ZFHX3: variants seen among roughly 807,000 people sequenced by gnomAD.
ZFHX3 encodes the protein zinc finger homeobox protein 3.
In ZFHX3, 42 loss-of-function variants were observed where a neutral mutation model predicts 279.1. The observed-to-expected ratio is 0.15, with a 90% CI of 0.12 to 0.19. The LOEUF (loss-of-function observed/expected upper bound fraction) is 0.19, where lower values mean the gene tolerates loss of function less well. Among genes scored for constraint, ZFHX3 ranks in the 10% least tolerant of loss-of-function variants. ZFHX3 has a pLI of 1.00. For synonymous variants in ZFHX3, 2,293 were observed against 1,957.8 expected (o/e 1.17, Z -4.52); for missense variants, 4,981 against 4,754.0 (o/e 1.05, Z -1.40).
Position 72,949,692 on chromosome 16 carries a change from GGAA to G in ZFHX3, c.3216+774_3216+776del, listed in dbSNP as rs1320542494. 2.6e-5 allele frequency among the ~76,000 whole-genome samples: 4 copies of G among 151,294 alleles called. No individual in the cohort carries two copies. In the East Asian group the frequency reaches 5.8e-4, roughly 22 times the overall value. ...AGAGGGGGAGGATGGGAGAAGCCCA[GGAA>G]GAAGAAGAAAAAGTATAAGGAAGAG... On this transcript the variant is annotated intron_variant, in intron 3 of 9. Coordinates refer to ENST00000268489, the MANE Select transcript of ZFHX3 (RefSeq NM_006885.4).
intron 1 of ZFHX3, among the ~76,000 whole-genome samples, chr16:73,832,021 C>T (rs1435254277): frequency 6.6e-6 from 1 of 152,228 alleles, no homozygotes; most frequent in African/African-American, 2.4e-5. Flanking sequence ...TTGCCTCAGC[C>T]TCCCGAGTAG....
chr16:73,137,422 T>G (rs1478088600), intron 6 of ZFHX3: 1 of 152,094 alleles, frequency 6.6e-6, no homozygotes, highest in East Asian at 1.9e-4. Context: ...AGAGTTCTCA[T>G]GCCAGCATTC....
rs148174653 is a variant in ZFHX3 at position 72,861,981 on chromosome 16, C to T, written c.3448+27750G>A. On this transcript the variant is annotated intron_variant, in intron 4 of 9. Coordinates refer to ENST00000268489, the MANE Select transcript of ZFHX3 (RefSeq NM_006885.4). Reference sequence around the variant, plus strand: ...AATGAGTCAAGATCATGCCACTGCACTCTAGCCTGGGCAACAGAGCAGGAC... The same window carrying T: ...AATGAGTCAAGATCATGCCACTGCATTCTAGCCTGGGCAACAGAGCAGGAC... Among the ~76,000 whole-genome samples, 21 of 152,278 alleles carry T rather than the reference C, an allele frequency of 1.4e-4. 1 individual carries two copies. Among genetic ancestry groups the T allele is most frequent in the African/African-American group, 5.1e-4 (21 of 41,566 alleles).
chr16:73,481,390 C>A (rs759901679), intron 2 of ZFHX3, among the ~76,000 whole-genome samples: 1 of 151,288 alleles, frequency 6.6e-6, no homozygotes, highest in Non-Finnish European at 1.5e-5. Flanking sequence ...TGACACATTG[C>A]TTTCCTGTCC....
intron 1 of ZFHX3, among the ~76,000 whole-genome samples, chr16:73,742,994 G>A (rs1458104681): frequency 6.6e-6 from 1 of 152,186 alleles, no homozygotes; most frequent in African/African-American, 2.4e-5. Flanking sequence ...GGAAATGAGA[G>A]TCCTTTATAA....
intron 3 of ZFHX3, among the ~76,000 whole-genome samples, chr16:73,349,939 C>A (rs921292398): frequency 6.7e-6 from 1 of 149,096 alleles, no homozygotes; most frequent in Non-Finnish European, 1.5e-5. Context: ...TCTCCTTTTC[C>A]CCCCTTTCCA....
chr16:73,666,985 C>A (rs2052849034), intron 2 of ZFHX3, among the ~76,000 whole-genome samples: 1 of 151,796 alleles, frequency 6.6e-6, no homozygotes. Flanking sequence ...TACAGATATA[C>A]AACTTATTTA....
intron 2 of ZFHX3, among the ~76,000 whole-genome samples, chr16:73,467,947 A>AT (rs1321587240): frequency 6.6e-6 from 1 of 152,208 alleles, no homozygotes; most frequent in African/African-American, 2.4e-5. Context: ...GGAATCTGTA[A>AT]TTTATCAGAG....
intron 3 of ZFHX3, among the ~76,000 whole-genome samples, chr16:72,919,543 T>A (rs1431466965): frequency 1.3e-5 from 2 of 151,136 alleles, no homozygotes; most frequent in East Asian, 3.8e-4. Context: ...GTATCTTTAT[T>A]TTTAAGAAAG....
chr16:73,102,596 T>G (rs1966246193), intron 7 of ZFHX3, among the ~76,000 whole-genome samples: 1 of 152,222 alleles, frequency 6.6e-6, no homozygotes, highest in Non-Finnish European at 1.5e-5. Context: ...TAAGCATAGC[T>G]AGCCTTTCTG....
rs1401098546 is a variant in ZFHX3 at position 72,811,687 on chromosome 16, G to T, written c.3754C>A (p.Leu1252Ile). ...AMTQHSVQPM[L>I]RCPLCQDMLN... ...ATGTCCTGGCACAGGGGGCAGCGAA[G>T]CATGGGTTGCACCGAGTGCTGCGTC... is the stretch of plus-strand genomic sequence containing the variant. The change falls in exon 7 of 10, where the codon CTT becomes ATT. Residue 1252 changes from leucine to isoleucine, a missense_variant. Leu to Ile is a conservative substitution (Grantham distance 5). Transcript: ENST00000268489. 1 of 1,614,128 alleles carries T rather than the reference G, an allele frequency of 6.2e-7. No individual in the cohort carries two copies. Among genetic ancestry groups the T allele is most frequent in the Admixed American group, 1.7e-5 (1 of 60,020 alleles).
intron 5 of ZFHX3, among the ~76,000 whole-genome samples, chr16:73,146,984 T>C (rs1444943383): frequency 1.3e-5 from 2 of 152,176 alleles, no homozygotes; most frequent in African/African-American, 2.4e-5. Context: ...AAGCCTCTTA[T>C]TAATAGAAGT....
intron 1 of ZFHX3, among the ~76,000 whole-genome samples, chr16:73,870,149 T>C (rs1459505340): frequency 6.6e-6 from 1 of 152,192 alleles, no homozygotes; most frequent in Non-Finnish European, 1.5e-5. Context: ...ATGTCATCTT[T>C]AGGGATAAAG....
intron 7 of ZFHX3, among the ~76,000 whole-genome samples, chr16:73,094,222 C>T (rs931253514): frequency 6.6e-6 from 1 of 152,188 alleles, no homozygotes; most frequent in Non-Finnish European, 1.5e-5. Context: ...AGGTATTTTT[C>T]TCCCTGGAAG....
intron 1 of ZFHX3, among the ~76,000 whole-genome samples, chr16:73,705,090 C>T (rs2053290135): frequency 6.6e-6 from 1 of 152,070 alleles, no homozygotes; most frequent in Non-Finnish European, 1.5e-5. Context: ...AAAGACGTAA[C>T]CTCAAGACAA....
chr16:73,650,371 A>T (rs181599569), intron 2 of ZFHX3, among the ~76,000 whole-genome samples: 4 of 152,054 alleles, frequency 2.6e-5, no homozygotes, highest in African/African-American at 9.6e-5. Context: ...AAAAAAGCAA[A>T]CTTCTCTAAA....
chr16:73,763,727 T>C lies in ZFHX3; in HGVS notation c.-1607-83487A>G, dbSNP rs150392608. On this transcript the variant is annotated intron_variant, in intron 1 of 17. Coordinates refer to the ZFHX3 transcript ENST00000641206. ...ATTTTGTAGATATAATTAAAATCTC[T>C]CAGCAGGTGGCTTTAATCAAAAGAG... is the stretch of plus-strand genomic sequence containing the variant. Among the ~76,000 whole-genome samples, 87 of 152,298 alleles carry C rather than the reference T, an allele frequency of 5.7e-4. 1 individual carries two copies. Among genetic ancestry groups the C allele is most frequent in the African/African-American group, 2.1e-3 (86 of 41,566 alleles).
chr16:73,657,562 AG>A (rs1302406567), intron 2 of ZFHX3, among the ~76,000 whole-genome samples: 1 of 152,156 alleles, frequency 6.6e-6, no homozygotes, highest in African/African-American at 2.4e-5. Context: ...CATCTCCATA[AG>A]AAACCTAGTA....
At chr16:73,499,774 T>G (rs973445934) in intron 2 of ZFHX3, 1 of 152,198 alleles carries the variant, frequency 6.6e-6, no homozygotes, top group Non-Finnish European at 1.5e-5. Flanking sequence ...AATATAGTCA[T>G]GTGCCACATG....
Sources: allele counts gnomAD v4.1 joint callset (sites outside exome capture counted in the v4.1 genomes callset), GRCh38; gene constraint gnomAD v4.1.1; transcripts MANE v1.5; gene names NCBI Gene and HGNC (gene_info 2026-07-23, HGNC 2026-07-21).